Variants in RGPD4 observed in about 807,000 individuals in gnomAD.
RGPD4 encodes the protein ranBP2-like and GRIP domain-containing protein 4.
Under a neutral mutation model 141.1 loss-of-function variants are expected in RGPD4, and 84 were observed. The observed-to-expected ratio is 0.60, with a 90% CI of 0.50 to 0.71. RGPD4 has a LOEUF of 0.71. Among genes scored for constraint, RGPD4 ranks in the 30% least tolerant of loss-of-function variants. The pLI is 0.00. For missense variants in RGPD4, 918 were observed against 1,622.4 expected, an observed-to-expected ratio of 0.57 and a Z score of 7.46; for synonymous variants, 298 against 566.8, an observed-to-expected ratio of 0.53 and a Z score of 6.74.
Position 107,869,234 on chromosome 2 carries a change from G to C in RGPD4, c.2606-649G>C, listed in dbSNP as rs1682828263. On this transcript the variant is annotated intron_variant, in intron 18 of 22. Coordinates refer to ENST00000408999, the MANE Select transcript of RGPD4 (RefSeq NM_182588.3). ...CTATCATAAAACAGTTGAAGCAAATGACTATTGGTAGTTTTGTCATTAACA... is the reference window on the plus strand; with the variant it reads ...CTATCATAAAACAGTTGAAGCAAATCACTATTGGTAGTTTTGTCATTAACA... Among the ~76,000 whole-genome samples, 4 of 71,852 alleles carry C rather than the reference G, an allele frequency of 5.6e-5. 1 individual carries two copies. The highest frequency in any genetic ancestry group is 4.5e-4 in the Admixed American group (4 of 8,958). The allele number at this position is 71,852 out of a possible 152,430, so 47.1% of individuals were successfully genotyped here. A position where few individuals can be genotyped will look rare whatever the true frequency, so the allele number is the denominator to read the frequency against.
At chr2:107,867,373 C>A (rs1012816478) in intron 18 of RGPD4, among the ~76,000 whole-genome samples, 1 of 151,836 alleles carries the variant, frequency 6.6e-6, no homozygotes, top group Non-Finnish European at 1.5e-5. Context: ...ACCCCACTAG[C>A]CTTTTGTGAT....
chr2:107,890,576 A>ACAAC (rs1675628487), intron 22 of RGPD4, 145 bp from the exon 23 acceptor site: 1 of 88,420 alleles, frequency 1.1e-5, no homozygotes, highest in Admixed American at 2.5e-4. Context: ...AAAAAAAAGA[A>ACAAC]CCCCCCCCCC....
chr2:107,872,055 G>A lies in RGPD4; in HGVS notation c.4051G>A (p.Glu1351Lys). The change falls in exon 20 of 23, where the codon GAG (glutamate) becomes AAG (lysine). Residue 1351 changes from glutamate (E) to lysine (K), a missense_variant. Coordinates refer to ENST00000408999, the MANE Select transcript of RGPD4 (RefSeq NM_182588.3). ...LPDLVEVSSGEENEKVVFSHR... is the reference protein window; with the variant it reads ...LPDLVEVSSGKENEKVVFSHR... ...TGATCTAGTTGAAGTATCCAGTGGTGAGGAAAATGAAAAAGTTGTTTTTAG... is the reference window on the plus strand; with the variant it reads ...TGATCTAGTTGAAGTATCCAGTGGTAAGGAAAATGAAAAAGTTGTTTTTAG... The A allele has an allele frequency of 3.1e-6, 5 of 1,611,570 alleles. No individual in the cohort carries two copies. Among genetic ancestry groups the A allele is most frequent in the Non-Finnish European group, 4.2e-6 (5 of 1,179,856 alleles).
rs1255116275 is a variant in RGPD4, at chr2:107,844,844, T to G, written c.782+1114T>G. Among the ~76,000 whole-genome samples, 77 of 100,230 alleles carry G rather than the reference T, an allele frequency of 7.7e-4. 1 individual carries two copies. The highest frequency in any genetic ancestry group is 1.4e-3 in the Non-Finnish European group (66 of 46,588). The allele number at this position is 100,230 out of a possible 152,430, so 65.8% of individuals were successfully genotyped here. ...CTTTCTTTTTTGTTTTTTTTTTTTTTTTTTTTTTTTGAGAGGGAGTCTTGC... is the reference window on the plus strand; with the variant it reads ...CTTTCTTTTTTGTTTTTTTTTTTTTGTTTTTTTTTTGAGAGGGAGTCTTGC... On this transcript the variant is annotated intron_variant, in intron 6 of 22. Coordinates refer to ENST00000408999, the MANE Select transcript of RGPD4 (RefSeq NM_182588.3).
intron 15 of RGPD4, among the ~76,000 whole-genome samples, 161 bp from the exon 16 acceptor site, chr2:107,862,521 A>T: frequency 6.6e-6 from 1 of 151,564 alleles, no homozygotes; most frequent in African/African-American, 2.4e-5. Flanking sequence ...AACAAAGAAA[A>T]AAGATAATTA....
intron 9 of RGPD4, among the ~76,000 whole-genome samples, chr2:107,857,641 C>T (rs1376851363): frequency 6.6e-6 from 1 of 151,666 alleles, no homozygotes; most frequent in Non-Finnish European, 1.5e-5. Context: ...CCCTTTGTTG[C>T]CCAGGCTAGT....
chr2:107,885,083 A>G (rs1244607989), intron 22 of RGPD4, among the ~76,000 whole-genome samples: 1 of 152,138 alleles, frequency 6.6e-6, no homozygotes, highest in African/African-American at 2.4e-5. Flanking sequence ...CCACAATAGT[A>G]TTTTTGTCAC....
chr2:107,890,172 AAATAG>A (rs1161520958), intron 22 of RGPD4, among the ~76,000 whole-genome samples: 1 of 112,626 alleles, frequency 8.9e-6, no homozygotes, highest in Non-Finnish European at 1.8e-5. Flanking sequence ...TTTAAAGCTA[AAATAG>A]AAAATTAGCT....
In RGPD4 at chr2:107,892,363, G is replaced by A. The variant is rs75558802; in HGVS notation, c.*1632G>A. ...ATATATTTCACTTTCTCTTTGACTT[G>A]AGACCTTTTGAAGTCTGTATAAACT... On this transcript the variant is annotated 3_prime_UTR_variant, in exon 23 of 23. Transcript: ENST00000408999. Among the ~76,000 whole-genome samples the A allele has an allele frequency of 4.3e-5, 2 of 46,792 alleles. 1 individual carries two copies. The highest frequency in any genetic ancestry group is 3.2e-4 in the Admixed American group (2 of 6,198). 30.7% of individuals were successfully genotyped at this position (46,792 alleles called of 152,430 possible). A position where few individuals can be genotyped will look rare whatever the true frequency, so the allele number is the denominator to read the frequency against.
intron 1 of RGPD4, among the ~76,000 whole-genome samples, chr2:107,830,358 A>C (rs2104394537): frequency 7.7e-6 from 1 of 130,296 alleles, no homozygotes; most frequent in Non-Finnish European, 1.7e-5. Flanking sequence ...AAAAAAAAAA[A>C]AGCATGTTTA....
At chr2:107,883,938 C>T in intron 22 of RGPD4, among the ~76,000 whole-genome samples, 1 of 152,070 alleles carries the variant, frequency 6.6e-6, no homozygotes, top group Non-Finnish European at 1.5e-5. Flanking sequence ...AGACTTAAAT[C>T]CCACACATCA....
In RGPD4 at chr2:107,871,735, G is replaced by C; in HGVS notation, c.3731G>C (p.Gly1244Ala). 6.2e-7 allele frequency: 1 copy of C among 1,610,964 alleles called. No homozygotes were observed. The highest frequency in any genetic ancestry group is 8.5e-7 in the Non-Finnish European group (1 of 1,179,804). Residue 1244 changes from glycine (G) to alanine (A), a missense_variant, in exon 20 of 23, where the codon GGG (glycine) becomes GCG (alanine). Physicochemically the swap from Gly to Ala is moderately conservative, Grantham distance 60 (BLOSUM62 0). Transcript: ENST00000408999. ...TTIKPNPENTGPTLEWDNCDL... is the reference protein window; with the variant it reads ...TTIKPNPENTAPTLEWDNCDL... Reference sequence around the variant, plus strand: ...ATAAAACCCAATCCTGAAAACACTGGGCCCACATTAGAATGGGATAACTGT... The same window carrying C: ...ATAAAACCCAATCCTGAAAACACTGCGCCCACATTAGAATGGGATAACTGT...
rs765043320 is a variant in RGPD4, at chr2:107,859,828, A to C, written c.1741A>C (p.Lys581Gln). 1.2e-6 allele frequency: 2 copies of C among 1,600,632 alleles called. No individual in the cohort carries two copies. Among genetic ancestry groups the C allele is most frequent in the Non-Finnish European group, 1.7e-6 (2 of 1,177,528 alleles). ...ACCTGCTCTGCTTGTACATTGGGCAAAATGCCTTCAGAAAATGGTGAGTTT... is the reference window on the plus strand; with the variant it reads ...ACCTGCTCTGCTTGTACATTGGGCACAATGCCTTCAGAAAATGGTGAGTTT... Reference protein sequence around the residue: ...LQPALLVHWAKCLQKMGSGLN... With the variant: ...LQPALLVHWAQCLQKMGSGLN... The change falls in exon 12 of 23, where the codon AAA becomes CAA. Residue 581 changes from lysine to glutamine, a missense_variant. Transcript: ENST00000408999.
chr2:107,859,865 C>T lies in RGPD4; in HGVS notation c.1758+20C>T. 6.4e-7 allele frequency: 1 copy of T among 1,569,992 alleles called. No individual in the cohort carries two copies. Among genetic ancestry groups the T allele is most frequent in the African/African-American group, 1.5e-5 (1 of 68,788 alleles). On this transcript the variant is annotated intron_variant, in intron 12 of 22. Transcript: ENST00000408999. Reference sequence around the variant, plus strand: ...AAAATGGTGAGTTTTAAAGTATAAGCATTTTAAAAGAACATTACCTTAATT... The same window carrying T: ...AAAATGGTGAGTTTTAAAGTATAAGTATTTTAAAAGAACATTACCTTAATT...
At chr2:107,829,684 G>T (rs1243743647) in intron 1 of RGPD4, among the ~76,000 whole-genome samples, 1 of 152,114 alleles carries the variant, frequency 6.6e-6, no homozygotes, top group African/African-American at 2.4e-5. Context: ...AAGAGTCCTG[G>T]GGGGACCGCG....
intron 20 of RGPD4, among the ~76,000 whole-genome samples, chr2:107,873,983 C>T (rs1683017487): frequency 6.7e-6 from 1 of 148,572 alleles, no homozygotes. Flanking sequence ...AAATGAAGTA[C>T]TTACCACTAC....
chr2:107,869,742 G>T, intron 18 of RGPD4, 141 bp from the exon 19 acceptor site: 1 of 541,312 alleles, frequency 1.8e-6, no homozygotes, highest in South Asian at 2.8e-5. Context: ...GGTGTATTTT[G>T]ATGTACAGAA....
Position 107,871,251 on chromosome 2 carries a change from G to A in RGPD4, c.3247G>A (p.Gly1083Arg). Residue 1083 changes from glycine (G) to arginine (R), a missense_variant, in exon 20 of 23, where the codon GGG becomes AGG. Coordinates refer to ENST00000408999, the MANE Select transcript of RGPD4 (RefSeq NM_182588.3). ...EVRQWKERGL[G>R]NLKILKNEVN... ...AAGGCAGTGGAAAGAAAGGGGCTTG[G>A]GGAACTTAAAAATTCTCAAAAACGA... is the stretch of plus-strand genomic sequence containing the variant. 6.2e-7 allele frequency: 1 copy of A among 1,608,480 alleles called. No individual in the cohort carries two copies. Among genetic ancestry groups the A allele is most frequent in the Non-Finnish European group, 8.5e-7 (1 of 1,179,484 alleles).
Position 107,845,505 on chromosome 2 carries a change from G to C in RGPD4, c.782+1775G>C, listed in dbSNP as rs148928279. 4.5e-3 allele frequency among the ~76,000 whole-genome samples: 677 copies of C among 149,618 alleles called. 20 individuals carry two copies. Among genetic ancestry groups the C allele is most frequent in the Middle Eastern group, 0.014 (4 of 294 alleles). ...AATCTGGACCATGAGGGGTTACTTG[G>C]GGGCCTGAAGGGAGGACCCTGAGGA... On this transcript the variant is annotated intron_variant, in intron 6 of 22. Transcript: ENST00000408999.
Sources: allele counts gnomAD v4.1 joint callset (sites outside exome capture counted in the v4.1 genomes callset), GRCh38; gene constraint gnomAD v4.1.1; transcripts MANE v1.5; gene names NCBI Gene and HGNC (gene_info 2026-07-23, HGNC 2026-07-21).